ITPRID2: variants seen among roughly 807,000 people sequenced by gnomAD.
ITPRID2 encodes the protein protein ITPRID2.
ITPRID2 carries 60 observed loss-of-function variants against 124.3 expected under a neutral mutation model. That is an observed-to-expected ratio of 0.48 (90% CI 0.39 to 0.60). The LOEUF is 0.60. ITPRID2 is among the 20% of genes least tolerant of loss of function. The pLI, the probability that ITPRID2 is intolerant of heterozygous loss-of-function variation, is 0.00. For synonymous variants in ITPRID2, 521 were observed against 542.9 expected, an observed-to-expected ratio of 0.96 and a Z score of 0.56; for missense variants, 1,553 against 1,512.2, an observed-to-expected ratio of 1.03 and a Z score of -0.45.
rs931929828 is a variant in ITPRID2, at chr2:181,918,258, A to G, written c.2788-340A>G. 7.7e-6 allele frequency: 8 copies of G among 1,042,306 alleles called. No homozygotes were observed. The African/African-American group carries it at 1.0e-4, about 13-fold the overall frequency. The allele number at this position is 1,042,306 out of a possible 1,614,324, so 64.6% of individuals were successfully genotyped here. A position where few individuals can be genotyped will look rare whatever the true frequency, so the allele number is the denominator to read the frequency against. ...CTCTCCAGCAAAGTTAATAATCACTATAATCTCATGATGATATTTGCAATG... is the reference window on the plus strand; with the variant it reads ...CTCTCCAGCAAAGTTAATAATCACTGTAATCTCATGATGATATTTGCAATG... On this transcript the variant is annotated intron_variant, in intron 11 of 17. Transcript: ENST00000431877.
chr2:181,929,528 G>A (rs1445985729), intron 17 of ITPRID2, 33 bp from the exon 18 acceptor site: 2 of 1,484,246 alleles, frequency 1.3e-6, no homozygotes, highest in Admixed American at 1.7e-5. Context: ...ATTTGAAAGA[G>A]GTTTAAAACT....
rs753896656 is a variant in ITPRID2 at position 181,929,546 on chromosome 2, CTT to C, written c.*14-12_*14-11del. On this transcript the variant is annotated splice_polypyrimidine_tract_variant and intron_variant, in intron 17 of 17. Coordinates refer to ENST00000431877, the MANE Select transcript of ITPRID2 (RefSeq NM_001130445.3). ...TGAAAGAGGTTTAAAACTGACTTCTCTTTTCTTTTTTAAGGTTGGCATGGATC... is the reference window on the plus strand; with the variant it reads ...TGAAAGAGGTTTAAAACTGACTTCTCTTCTTTTTTAAGGTTGGCATGGATC... The C allele has an allele frequency of 8.8e-6, 14 of 1,593,662 alleles. No homozygotes were observed. The highest frequency in any genetic ancestry group is 2.2e-5 in the East Asian group (1 of 44,604).
rs1004055161 is a variant in ITPRID2 at position 181,910,084 on chromosome 2, AAC to A, written c.1486+121_1486+122del. 6 of 703,348 alleles carry A rather than the reference AAC, an allele frequency of 8.5e-6. No homozygotes were observed. In the African/African-American group the frequency reaches 1.1e-4, roughly 13 times the overall value. 43.6% of individuals were successfully genotyped at this position (703,348 alleles called of 1,614,324 possible). ...TATTTATGAGTGTGAAAAGGCAAAG[AAC>A]ACACACAGGTAGGCATGATTCACTA... On this transcript the variant is annotated intron_variant, in intron 9 of 17. Transcript: ENST00000431877. This position sits in a 1 kb window ranked among gnomAD's most constrained non-coding sequence, Gnocchi z 4.1.
chr2:181,902,071 G>A lies in ITPRID2; in HGVS notation c.1018G>A (p.Asp340Asn), dbSNP rs771689403. The change falls in exon 8 of 18, where the codon GAT (aspartate) becomes AAT (asparagine). Residue 340 changes from aspartate to asparagine, a missense_variant. Physicochemically the swap from Asp to Asn is conservative, Grantham distance 23. Coordinates refer to ENST00000431877, the MANE Select transcript of ITPRID2 (RefSeq NM_001130445.3). This position sits in a 1 kb window ranked among gnomAD's most constrained non-coding sequence, Gnocchi z 4.4. The stretch of plus-strand genomic sequence containing the variant: ...GATTGAAGAAAGTGGCAATAAAAAC[G>A]ATCAAAAGTCTCAAAAAATTATGAA... ...SVIEESGNKN[D>N]QKSQKIMKKK... 18 of 1,610,766 alleles carry A rather than the reference G, an allele frequency of 1.1e-5. No individual in the cohort carries two copies. Among genetic ancestry groups the A allele is most frequent in the Admixed American group, 6.7e-5 (4 of 59,412 alleles).
rs1692764397 is a variant in ITPRID2 at position 181,902,579 on chromosome 2, T to C, written c.1413+113T>C. On this transcript the variant is annotated intron_variant, in intron 8 of 17. Coordinates refer to ENST00000431877, the MANE Select transcript of ITPRID2 (RefSeq NM_001130445.3). The surrounding 1 kb of genome is among the most constrained non-coding windows in gnomAD (Gnocchi z 4.4). ...AGATTTATACTAGAAAAATTTATTC[T>C]AATTTTGACTTTCCAGGTTTATGTT... is the stretch of plus-strand genomic sequence containing the variant. 1 of 778,424 alleles carries C rather than the reference T, an allele frequency of 1.3e-6. No homozygotes were observed. Among genetic ancestry groups the C allele is most frequent in the South Asian group, 2.3e-5 (1 of 42,772 alleles). 48.2% of individuals were successfully genotyped at this position (778,424 alleles called of 1,614,324 possible). A position where few individuals can be genotyped will look rare whatever the true frequency, so the allele number is the denominator to read the frequency against.
Position 181,891,923 on chromosome 2 carries a change from CCT to C in ITPRID2, c.-142_-141del. 4 of 485,680 alleles carry C rather than the reference CCT, an allele frequency of 8.2e-6. No homozygotes were observed. Among genetic ancestry groups the C allele is most frequent in the South Asian group, 4.2e-5 (2 of 47,364 alleles). The allele number at this position is 485,680 out of a possible 1,614,324, so 30.1% of individuals were successfully genotyped here. A position where few individuals can be genotyped will look rare whatever the true frequency, so the allele number is the denominator to read the frequency against. ...TTCCCTCCCTCCCTCCCTGTCCCCT[CCT>C]CCTCCTCCTCCTCCTCCGGCGCCCG... On this transcript the variant is annotated 5_prime_UTR_variant, in exon 1 of 18. Transcript: ENST00000431877.
At position 181,922,106 on chromosome 2, in the gene ITPRID2, T is replaced by C. The variant is rs781736068; in HGVS notation, c.3369T>C (p.Ala1123=). 4.6e-5 allele frequency: 75 copies of C among 1,614,120 alleles called. No homozygotes were observed. The highest frequency in any genetic ancestry group is 4.2e-5 in the Non-Finnish European group (50 of 1,180,054). Residue 1123 remains alanine, a synonymous_variant, in exon 16 of 18, where the codon GCT becomes GCC. Coordinates refer to ENST00000431877, the MANE Select transcript of ITPRID2 (RefSeq NM_001130445.3). ...SSSVCSGPSH[A]NRRTGVPSTA... is the part of the protein sequence containing the mutation. ...CTGTATGTTCTGGTCCCTCTCATGCTAACAGAAGAACTGGAGTACCTTCTA... is the reference window on the plus strand; with the variant it reads ...CTGTATGTTCTGGTCCCTCTCATGCCAACAGAAGAACTGGAGTACCTTCTA...
Position 181,919,541 on chromosome 2 carries a change from T to C in ITPRID2, c.3144+95T>C, listed in dbSNP as rs1694331663. The C allele has an allele frequency of 7.3e-7, 1 of 1,372,022 alleles. No homozygotes were observed. The allele number at this position is 1,372,022 out of a possible 1,614,324, so 85.0% of individuals were successfully genotyped here. ...GTGTGCCTTCATTTCAAGTCATTTA[T>C]TTTAATGGTATTAAAAGCATGCATA... On this transcript the variant is annotated intron_variant, in intron 14 of 17. Coordinates refer to ENST00000431877, the MANE Select transcript of ITPRID2 (RefSeq NM_001130445.3). The surrounding 1 kb of genome is among the most constrained non-coding windows in gnomAD (Gnocchi z 4.2).
rs1692750632 is a variant in ITPRID2 at position 181,902,467 on chromosome 2, G to A, written c.1413+1G>A. ...GAAGGACTCCTTCGAAATGGAAGAG[G>A]TAGGTAAAAAATTACTGAGACTGGT... On this transcript the variant is annotated splice_donor_variant, in intron 8 of 17. Transcript: ENST00000431877. LOFTEE classifies it high-confidence loss of function. This position sits in a 1 kb window ranked among gnomAD's most constrained non-coding sequence, Gnocchi z 4.4. 6.6e-7 allele frequency: 1 copy of A among 1,519,862 alleles called. No homozygotes were observed. The highest frequency in any genetic ancestry group is 8.8e-7 in the Non-Finnish European group (1 of 1,135,074). The allele number at this position is 1,519,862 out of a possible 1,614,324, so 94.1% of individuals were successfully genotyped here.
chr2:181,915,322 A>G lies in ITPRID2; in HGVS notation c.1682A>G (p.Gln561Arg). ...EDLATPTAQD[Q>R]PYFNESEEES... ...CTTGCCACACCAACAGCACAAGACCAGCCTTATTTTAATGAATCAGAGGAG... is the reference window on the plus strand; with the variant it reads ...CTTGCCACACCAACAGCACAAGACCGGCCTTATTTTAATGAATCAGAGGAG... The change falls in exon 11 of 18, where the codon CAG becomes CGG. Residue 561 changes from glutamine to arginine, a missense_variant. Coordinates refer to ENST00000431877, the MANE Select transcript of ITPRID2 (RefSeq NM_001130445.3). The G allele has an allele frequency of 6.2e-7, 1 of 1,614,200 alleles. No homozygotes were observed. Among genetic ancestry groups the G allele is most frequent in the Non-Finnish European group, 8.5e-7 (1 of 1,180,036 alleles).
intron 16 of ITPRID2, 43 bp downstream of exon 16, chr2:181,922,455 G>A: frequency 1.4e-6 from 2 of 1,473,574 alleles, no homozygotes; most frequent in Non-Finnish European, 1.8e-6. Context: ...GGAGGTATAT[G>A]TTAGAGGAGA....
At chr2:181,895,517 C>T (rs1227945597) in intron 2 of ITPRID2, among the ~76,000 whole-genome samples, 1 of 151,962 alleles carries the variant, frequency 6.6e-6, no homozygotes, top group Non-Finnish European at 1.5e-5. Flanking sequence ...AAGGGGGAGG[C>T]ATTAGGTGAT....
intron 16 of ITPRID2, among the ~76,000 whole-genome samples, chr2:181,927,516 T>G (rs1330113718): frequency 6.6e-6 from 1 of 152,292 alleles, no homozygotes; most frequent in South Asian, 2.1e-4. Context: ...ATATCCTATA[T>G]GCATATTGGA....
In ITPRID2 at chr2:181,929,860, A is replaced by G. The variant is rs979864437; in HGVS notation, c.*313A>G. ...TTAATTTTAAAACTTGAAGACTTCCAGACTTATCCAACTTATAAATAACAT... is the reference window on the plus strand; with the variant it reads ...TTAATTTTAAAACTTGAAGACTTCCGGACTTATCCAACTTATAAATAACAT... On this transcript the variant is annotated 3_prime_UTR_variant, in exon 18 of 18. Transcript: ENST00000431877. 1 of 365,090 alleles carries G rather than the reference A, an allele frequency of 2.7e-6. No individual in the cohort carries two copies. The highest frequency in any genetic ancestry group is 2.1e-5 in the African/African-American group (1 of 47,766). The allele number at this position is 365,090 out of a possible 1,614,324, so 22.6% of individuals were successfully genotyped here.
intron 9 of ITPRID2, among the ~76,000 whole-genome samples, chr2:181,912,623 A>G (rs1693692878): frequency 6.6e-6 from 1 of 152,160 alleles, no homozygotes; most frequent in Non-Finnish European, 1.5e-5. Context: ...TATGTGGTTC[A>G]TATCTTAAAT....
At chr2:181,899,861 C>G (rs754752332) in intron 6 of ITPRID2, among the ~76,000 whole-genome samples, 2 of 152,116 alleles carry the variant, frequency 1.3e-5, no homozygotes, top group Non-Finnish European at 2.9e-5. Flanking sequence ...ATACCCTTGC[C>G]CCTCTCCCGC....
chr2:181,913,573 T>G (rs890403531), intron 9 of ITPRID2, among the ~76,000 whole-genome samples: 3 of 152,244 alleles, frequency 2.0e-5, no homozygotes, highest in South Asian at 2.1e-4. Context: ...CAAAATAGAT[T>G]ATAATTAGAG....
Position 181,905,055 on chromosome 2 carries a change from CTT to C in ITPRID2, c.1413+2604_1413+2605del, listed in dbSNP as rs869067212. Reference sequence around the variant, plus strand: ...ATGAATGTTTATAACGATGTTTTTTCTTTTTTTTTTTTTTTTGAGACGGAGTC... The same window carrying C: ...ATGAATGTTTATAACGATGTTTTTTCTTTTTTTTTTTTTTGAGACGGAGTC... On this transcript the variant is annotated intron_variant, in intron 8 of 17. Coordinates refer to ENST00000431877, the MANE Select transcript of ITPRID2 (RefSeq NM_001130445.3). The surrounding 1 kb of genome is among the most constrained non-coding windows in gnomAD (Gnocchi z 4.1). 1.2e-4 allele frequency among the ~76,000 whole-genome samples: 16 copies of C among 136,376 alleles called. No homozygotes were observed. The highest frequency in any genetic ancestry group is 2.2e-4 in the Admixed American group (3 of 13,670). The allele number at this position is 136,376 out of a possible 152,430, so 89.5% of individuals were successfully genotyped here.
chr2:181,928,116 C>T, intron 16 of ITPRID2, 45 bp from the exon 17 acceptor site: 1 of 1,263,972 alleles, frequency 7.9e-7, no homozygotes, highest in Non-Finnish European at 1.1e-6. Flanking sequence ...AAAATGAATT[C>T]CATTCATATT....
Sources: gnomAD v4.1 joint callset for allele counts (sites outside exome capture counted in the v4.1 genomes callset) on GRCh38, gnomAD v4.1.1 for gene constraint, Gnocchi (gnomAD v3.1) non-coding constraint, MANE v1.5 for transcripts, NCBI Gene and HGNC (gene_info 2026-07-23, HGNC 2026-07-21) for gene names.